Variants in DDAH1 observed in about 807,000 individuals in gnomAD.
The protein encoded by DDAH1 is dimethylarginine dimethylaminohydrolase 1, also known as N(G),N(G)-dimethylarginine dimethylaminohydrolase 1.
DDAH1 carries 19 observed loss-of-function variants against 28.8 expected under a neutral mutation model. That is an observed-to-expected ratio of 0.66 (90% confidence interval 0.46 to 0.97). The LOEUF is 0.97. Ranked by LOEUF, DDAH1 falls within the 50% of genes least tolerant of loss-of-function variation. DDAH1 has a pLI of 0.00. For missense variants in DDAH1, 326 were observed against 375.9 expected (o/e 0.87, Z 1.10); for synonymous variants, 153 against 154.4 (o/e 0.99, Z 0.07).
chr1:85,558,176 A>G (rs1180741534), intron 1 of DDAH1, among the ~76,000 whole-genome samples: 3 of 152,166 alleles, frequency 2.0e-5, no homozygotes, highest in Admixed American at 6.5e-5. Context: ...AGACTGGCCA[A>G]CATGATGAAA....
chr1:85,529,132 G>A (rs1657991745), intron 1 of DDAH1, among the ~76,000 whole-genome samples: 1 of 150,900 alleles, frequency 6.6e-6, no homozygotes, highest in Admixed American at 6.6e-5. Flanking sequence ...CCAAAAAAAG[G>A]GTAATTATTT....
intron 1 of DDAH1, among the ~76,000 whole-genome samples, chr1:85,514,740 T>C (rs1278660361): frequency 1.3e-5 from 2 of 151,986 alleles, no homozygotes; most frequent in African/African-American, 2.4e-5. Flanking sequence ...GTCCAAACTT[T>C]GGCTAGTGGG....
chr1:85,438,132 T>G (rs1400627328), intron 1 of DDAH1, among the ~76,000 whole-genome samples: 1 of 152,162 alleles, frequency 6.6e-6, no homozygotes, highest in Non-Finnish European at 1.5e-5. Context: ...AAACATTGTG[T>G]GCACAGGGAT....
At chr1:85,448,863 G>C (rs959447005) in intron 1 of DDAH1, among the ~76,000 whole-genome samples, 5 of 152,214 alleles carry the variant, frequency 3.3e-5, no homozygotes, top group African/African-American at 9.6e-5. Context: ...TTACAAAATT[G>C]GACTAGATTC....
intron 5 of DDAH1, among the ~76,000 whole-genome samples, chr1:85,324,272 A>AAAAAATAATAATAATAAT (rs142607842): frequency 1.4e-5 from 2 of 142,258 alleles, no homozygotes; most frequent in African/African-American, 5.2e-5. Flanking sequence ...CCTGTCTCAA[A>AAAAAATAATAATAATAAT]AATAATAATA....
intron 1 of DDAH1, among the ~76,000 whole-genome samples, chr1:85,437,068 G>A (rs1031475902): frequency 2.0e-5 from 3 of 151,976 alleles, no homozygotes; most frequent in Admixed American, 6.6e-5. Context: ...GAGTGACTTC[G>A]AGGCTAGCTT....
At chr1:85,526,572 T>G (rs1657881698) in intron 1 of DDAH1, among the ~76,000 whole-genome samples, 1 of 151,844 alleles carries the variant, frequency 6.6e-6, no homozygotes, top group South Asian at 2.1e-4. Context: ...ACTAGGGTTT[T>G]GTGATTCTGA....
intron 2 of DDAH1, chr1:85,488,274 G>A (rs1656272656): frequency 6.6e-6 from 1 of 152,174 alleles, no homozygotes; most frequent in South Asian, 2.1e-4. Flanking sequence ...TTAAACAATG[G>A]AAATTAATTT....
chr1:85,477,522 A>T (rs1367178351), intron 2 of DDAH1, among the ~76,000 whole-genome samples: 5 of 152,174 alleles, frequency 3.3e-5, no homozygotes, highest in Admixed American at 1.3e-4. Flanking sequence ...CCTGGTGGTT[A>T]TTATAGAGTG....
intron 1 of DDAH1, among the ~76,000 whole-genome samples, chr1:85,537,208 C>T (rs537400903): frequency 6.6e-6 from 1 of 151,244 alleles, no homozygotes; most frequent in Non-Finnish European, 1.5e-5. Flanking sequence ...GTGACATGCA[C>T]GTGTAGTCCC....
chr1:85,503,352 G>A (rs1656886621), intron 1 of DDAH1, among the ~76,000 whole-genome samples: 1 of 152,080 alleles, frequency 6.6e-6, no homozygotes, highest in Non-Finnish European at 1.5e-5. Context: ...TTACAGGTAT[G>A]CGCCACCAGG....
intron 1 of DDAH1, among the ~76,000 whole-genome samples, chr1:85,438,551 C>A (rs988232498): frequency 2.0e-5 from 3 of 152,166 alleles, no homozygotes; most frequent in Non-Finnish European, 2.9e-5. Context: ...GATGCACTGA[C>A]CCCTGTGCTG....
chr1:85,403,659 C>T (rs1652264442), intron 1 of DDAH1, among the ~76,000 whole-genome samples: 1 of 152,144 alleles, frequency 6.6e-6, no homozygotes, highest in East Asian at 1.9e-4. Flanking sequence ...AAGTCCTAAA[C>T]TTATTAAGGG....
intron 1 of DDAH1, among the ~76,000 whole-genome samples, chr1:85,503,543 A>G (rs1431633673): frequency 6.7e-6 from 1 of 148,804 alleles, no homozygotes; most frequent in Non-Finnish European, 1.5e-5. Context: ...CTATCTATCT[A>G]TCTATCTATC....
At chr1:85,477,177 G>T (rs563157106) in intron 2 of DDAH1, among the ~76,000 whole-genome samples, 1 of 152,306 alleles carries the variant, frequency 6.6e-6, no homozygotes, top group East Asian at 1.9e-4. Flanking sequence ...AAGACACAAG[G>T]TGGGAGGGAA....
At chr1:85,545,900 G>C (rs1236274377) in intron 1 of DDAH1, among the ~76,000 whole-genome samples, 1 of 151,954 alleles carries the variant, frequency 6.6e-6, no homozygotes, top group Non-Finnish European at 1.5e-5. Context: ...CAAACTCCCT[G>C]AGTTTGACTT....
At chr1:85,338,104 T>C (rs1232377397) in intron 4 of DDAH1, among the ~76,000 whole-genome samples, 1 of 152,218 alleles carries the variant, frequency 6.6e-6, no homozygotes, top group Non-Finnish European at 1.5e-5. Context: ...TTTAGTATCA[T>C]GTATTTAGTA....
At chr1:85,431,861 C>G (rs1443353383) in intron 1 of DDAH1, among the ~76,000 whole-genome samples, 1 of 152,192 alleles carries the variant, frequency 6.6e-6, no homozygotes, top group Non-Finnish European at 1.5e-5. Flanking sequence ...CCATTTCTCA[C>G]ACATGAAGTT....
Position 85,320,282 on chromosome 1 carries a change from A to C in DDAH1, c.*1170T>G, listed in dbSNP as rs180855215. 1 of 152,676 alleles carries C rather than the reference A, an allele frequency of 6.5e-6. No homozygotes were observed. Among genetic ancestry groups the C allele is most frequent in the Non-Finnish European group, 1.5e-5 (1 of 68,052 alleles). 9.5% of individuals were successfully genotyped at this position (152,676 alleles called of 1,614,324 possible). On this transcript the variant is annotated 3_prime_UTR_variant, in exon 6 of 6. Transcript: ENST00000284031. ...CACAGTAAATATTCACGGATATTTC[A>C]AAGTAGAATTGTCCACTGTCTGGGG...
Sources: gnomAD v4.1 joint callset for allele counts (sites outside exome capture counted in the v4.1 genomes callset) on GRCh38, gnomAD v4.1.1 for gene constraint, MANE v1.5 for transcripts, NCBI Gene and HGNC (gene_info 2026-07-23, HGNC 2026-07-21) for gene names.